CCDC157: variants seen among roughly 807,000 people sequenced by gnomAD.
CCDC157 encodes coiled-coil domain-containing protein 157.
In CCDC157, 60 loss-of-function variants were observed where a neutral mutation model predicts 70.9. That is an observed-to-expected ratio of 0.85 (90% CI 0.69 to 1.05). The LOEUF is 1.05. CCDC157 is among the 50% of genes least tolerant of loss of function. The pLI is 0.00. For missense variants in CCDC157, 943 were observed against 984.2 expected (o/e 0.96, Z 0.56); for synonymous variants, 373 against 422.4 (o/e 0.88, Z 1.43).
chr22:30,377,841 CCCA>C lies in CCDC157; in HGVS notation c.*1100_*1102del. The C allele has an allele frequency of 3.1e-6, 1 of 320,640 alleles. No individual in the cohort carries two copies. Among genetic ancestry groups the C allele is most frequent in the Non-Finnish European group, 6.2e-6 (1 of 160,078 alleles). 19.9% of individuals were successfully genotyped at this position (320,640 alleles called of 1,614,324 possible). A position where few individuals can be genotyped will look rare whatever the true frequency, so the allele number is the denominator to read the frequency against. ...CACAGCTGAGTAGCTCTCTCAGGCGCCCACCAACTCCGTGCCATGTATTCATTA... is the reference window on the plus strand; with the variant it reads ...CACAGCTGAGTAGCTCTCTCAGGCGCCCAACTCCGTGCCATGTATTCATTA... On this transcript the variant is annotated 3_prime_UTR_variant, in exon 12 of 12. Transcript: ENST00000338306.
intron 1 of CCDC157, among the ~76,000 whole-genome samples, chr22:30,358,725 AAT>A (rs1045965326): frequency 6.6e-6 from 1 of 152,212 alleles, no homozygotes; most frequent in Non-Finnish European, 1.5e-5. Context: ...AGCCCCAGGA[AAT>A]TGAGGAGAGG....
At chr22:30,363,215 A>G (rs1013669192) in intron 2 of CCDC157, among the ~76,000 whole-genome samples, 2 of 152,158 alleles carry the variant, frequency 1.3e-5, no homozygotes, top group African/African-American at 4.8e-5. Flanking sequence ...CTTCTGAGTC[A>G]AGGGTCATAG....
At chr22:30,361,247 C>CAAAA (rs33971565) in intron 1 of CCDC157, among the ~76,000 whole-genome samples, 1 of 62,178 alleles carries the variant, frequency 1.6e-5, no homozygotes, top group Non-Finnish European at 3.1e-5. Flanking sequence ...GACTCTGTCT[C>CAAAA]AAAAAAAAAA....
At chr22:30,376,389 G>GT in intron 11 of CCDC157, 42 bp downstream of exon 11, 1 of 1,613,110 alleles carries the variant, frequency 6.2e-7, no homozygotes, top group African/African-American at 1.3e-5. Flanking sequence ...TGAGTGGAGT[G>GT]TTCCCTGCAT....
intron 2 of CCDC157, among the ~76,000 whole-genome samples, chr22:30,363,457 G>T (rs1423906038): frequency 6.6e-6 from 1 of 151,998 alleles, no homozygotes; most frequent in Non-Finnish European, 1.5e-5. Flanking sequence ...CCTTACTCAT[G>T]ACTCCTTTAA....
intron 9 of CCDC157, chr22:30,374,417 T>C (rs775921740): frequency 1.1e-5 from 6 of 523,478 alleles, no homozygotes; most frequent in South Asian, 9.2e-5. Context: ...GACTTCTGTG[T>C]GTCCCCCTTC....
At chr22:30,374,378 T>C (rs1484471293) in intron 9 of CCDC157, 1 of 603,970 alleles carries the variant, frequency 1.7e-6, no homozygotes, top group African/African-American at 1.8e-5. Flanking sequence ...GCCTGTGCTC[T>C]TCACTACGTC....
rs569319348 is a variant in CCDC157 at position 30,372,164 on chromosome 22, T to C, written c.1213T>C (p.Leu405=). The C allele has an allele frequency of 2.5e-6, 4 of 1,570,140 alleles. No individual in the cohort carries two copies. Among genetic ancestry groups the C allele is most frequent in the Non-Finnish European group, 3.5e-6 (4 of 1,159,184 alleles). Residue 405 remains leucine (L), a synonymous_variant, in exon 7 of 12, where the codon TTG becomes CTG. Coordinates refer to ENST00000338306, the MANE Select transcript of CCDC157 (RefSeq NM_001017437.5). ...VQQLEEQVQQ[L]EAQVQLLVGR... The stretch of plus-strand genomic sequence containing the variant: ...GCAGCTGGAGGAGCAGGTGCAGCAG[T>C]TGGAGGCGCAGGTGCAGCTGTTGGT...
Position 30,358,513 on chromosome 22 carries a change from C to T in CCDC157, c.-166+1381C>T, listed in dbSNP as rs561956234. Among the ~76,000 whole-genome samples, 15 of 152,328 alleles carry T rather than the reference C, an allele frequency of 9.8e-5. No homozygotes were observed. In the East Asian group the frequency reaches 2.7e-3, roughly 27 times the overall value. On this transcript the variant is annotated intron_variant, in intron 1 of 11. Transcript: ENST00000338306. ...ACAATCTCATGTTTGAGACTGACAT[C>T]TGCCACATAGCTGGTTTTAGAGTTT... is the stretch of plus-strand genomic sequence containing the variant.
rs553025961 is a variant in CCDC157, at chr22:30,363,482, C to G, written c.-12+1368C>G. On this transcript the variant is annotated intron_variant, in intron 2 of 11. Coordinates refer to ENST00000338306, the MANE Select transcript of CCDC157 (RefSeq NM_001017437.5). ...GACTCCTTTAATGCCTTCACAACAA[C>G]CTGGCCTGCTTGGAGACAATGTCCC... Among the ~76,000 whole-genome samples the G allele has an allele frequency of 4.6e-5, 7 of 152,168 alleles. No individual in the cohort carries two copies. In the East Asian group the frequency reaches 1.4e-3, roughly 29 times the overall value.
intron 2 of CCDC157, among the ~76,000 whole-genome samples, chr22:30,363,938 T>C (rs1601720356): frequency 6.6e-6 from 1 of 152,170 alleles, no homozygotes; most frequent in Non-Finnish European, 1.5e-5. Flanking sequence ...CGCCTCGGCC[T>C]CCCAAAGTGT....
At chr22:30,372,323 A>C in intron 7 of CCDC157, 37 bp downstream of exon 7, 1 of 1,483,452 alleles carries the variant, frequency 6.7e-7, no homozygotes. Flanking sequence ...GGCATCTGCA[A>C]TGTAGGCTGC....
At chr22:30,375,293 C>A in intron 9 of CCDC157, 186 bp from the exon 10 acceptor site, 1 of 587,342 alleles carries the variant, frequency 1.7e-6, no homozygotes, top group Non-Finnish European at 2.9e-6. Context: ...TCCCACCCAG[C>A]TCTCAGATTT....
intron 5 of CCDC157, 66 bp downstream of exon 5, chr22:30,371,016 T>C (rs1321598999): frequency 6.6e-7 from 1 of 1,513,644 alleles, no homozygotes; most frequent in Non-Finnish European, 8.9e-7. Flanking sequence ...CATGGATGTT[T>C]GTGAGACAGG....
At chr22:30,371,984 C>A in intron 6 of CCDC157, 91 bp from the exon 7 acceptor site, 1 of 916,502 alleles carries the variant, frequency 1.1e-6, no homozygotes, top group Non-Finnish European at 1.7e-6. Context: ...GACTCTGAGG[C>A]CCAGAGATGG....
intron 1 of CCDC157, among the ~76,000 whole-genome samples, chr22:30,357,558 G>A (rs1044135367): frequency 2.1e-4 from 32 of 151,984 alleles, no homozygotes; most frequent in Admixed American, 1.4e-3. Flanking sequence ...AGGCTGGAGT[G>A]CAGTGGCGCG....
chr22:30,367,338 A>C (rs1277398620), intron 3 of CCDC157, among the ~76,000 whole-genome samples: 6 of 151,304 alleles, frequency 4.0e-5, no homozygotes. Flanking sequence ...TGGGTTCAAG[A>C]GATTCTCCTG....
intron 1 of CCDC157, among the ~76,000 whole-genome samples, chr22:30,357,802 C>A (rs991563179): frequency 6.6e-6 from 1 of 151,996 alleles, no homozygotes; most frequent in Admixed American, 6.6e-5. Flanking sequence ...CAGGCGTGAG[C>A]CACCGCGCCC....
At chr22:30,356,682 G>T, upstream of CCDC157, 3 of 1,374,802 alleles carry the variant, frequency 2.2e-6, no homozygotes, top group Non-Finnish European at 1.9e-6. Flanking sequence ...AGTAAGGAGC[G>T]CCCAGGCCAA....
Sources: allele counts gnomAD v4.1 joint callset (sites outside exome capture counted in the v4.1 genomes callset), GRCh38; gene constraint gnomAD v4.1.1; transcripts MANE v1.5; gene names NCBI Gene and HGNC (gene_info 2026-07-23, HGNC 2026-07-21).